The following CDIN1 variants were observed in gnomAD, a reference collection of about 807,000 sequenced individuals.
The protein encoded by CDIN1 is CDAN1-interacting nuclease 1.
A neutral mutation model predicts 45.3 loss-of-function variants in CDIN1; 33 were observed. That is an observed-to-expected ratio of 0.73 (90% confidence interval 0.55 to 0.97). The LOEUF is 0.97. CDIN1 is among the 50% of genes least tolerant of loss of function. The pLI is 0.00. For synonymous variants in CDIN1, 118 were observed against 124.4 expected, an observed-to-expected ratio of 0.95 and a Z score of 0.34; for missense variants, 303 against 339.4, an observed-to-expected ratio of 0.89 and a Z score of 0.84.
intron 7 of CDIN1, among the ~76,000 whole-genome samples, chr15:36,695,073 A>G (rs2042376187): frequency 6.6e-6 from 1 of 152,354 alleles, no homozygotes; most frequent in African/African-American, 2.4e-5. Flanking sequence ...GCAAGGGACA[A>G]CTGGAGGAAA....
chr15:36,627,068 C>A, intron 1 of CDIN1: 1 of 171,250 alleles, frequency 5.8e-6, no homozygotes, highest in South Asian at 1.6e-4. Context: ...TGGGATGAGT[C>A]TGAGGAAGCT....
chr15:36,634,759 A>G (rs2039824684), intron 1 of CDIN1, among the ~76,000 whole-genome samples: 1 of 152,160 alleles, frequency 6.6e-6, no homozygotes, highest in South Asian at 2.1e-4. Flanking sequence ...GACCTCCTAC[A>G]GTAAAACCAG....
At chr15:36,696,487 T>C (rs1349010695) in intron 7 of CDIN1, 1 of 152,254 alleles carries the variant, frequency 6.6e-6, no homozygotes, top group African/African-American at 2.4e-5. Context: ...AGATTAGGAA[T>C]TCTTCTAGGG....
intron 10 of CDIN1, among the ~76,000 whole-genome samples, chr15:36,733,791 T>A (rs2043917268): frequency 6.6e-6 from 1 of 152,160 alleles, no homozygotes; most frequent in South Asian, 2.1e-4. Flanking sequence ...TCGCATATGA[T>A]CTTTCAATTG....
intron 5 of CDIN1, among the ~76,000 whole-genome samples, chr15:36,671,049 T>C (rs184735520): frequency 8.6e-4 from 131 of 152,316 alleles, no homozygotes; most frequent in African/African-American, 3.0e-3. Flanking sequence ...TTTTTGTTTG[T>C]CTCTAGTTGT....
intron 10 of CDIN1, among the ~76,000 whole-genome samples, chr15:36,743,053 T>C (rs943072424): frequency 2.0e-5 from 3 of 152,134 alleles, no homozygotes; most frequent in African/African-American, 4.8e-5. Flanking sequence ...TGAAAATAGA[T>C]AGTATATTAA....
intron 5 of CDIN1, among the ~76,000 whole-genome samples, chr15:36,677,411 A>C (rs778770531): frequency 6.6e-6 from 1 of 152,166 alleles, no homozygotes; most frequent in Non-Finnish European, 1.5e-5. Flanking sequence ...CATAAATCCA[A>C]GCTTGAAATC....
chr15:36,711,092 T>C (rs183608264), intron 10 of CDIN1, among the ~76,000 whole-genome samples: 1 of 152,314 alleles, frequency 6.6e-6, no homozygotes, highest in African/African-American at 2.4e-5. Context: ...TTTCCTGTGT[T>C]TTATTCAGCC....
At chr15:36,672,269 G>C (rs1349094286) in intron 5 of CDIN1, among the ~76,000 whole-genome samples, 1 of 151,796 alleles carries the variant, frequency 6.6e-6, no homozygotes, top group Non-Finnish European at 1.5e-5. Context: ...AAGAAAACAA[G>C]TTTTGAAATT....
chr15:36,640,061 G>A (rs1404801424), intron 1 of CDIN1, among the ~76,000 whole-genome samples: 1 of 152,080 alleles, frequency 6.6e-6, no homozygotes, highest in Non-Finnish European at 1.5e-5. Flanking sequence ...TCCCCCCTCA[G>A]TAATTTCCCA....
intron 5 of CDIN1, among the ~76,000 whole-genome samples, chr15:36,670,476 G>A (rs1595449165): frequency 6.6e-6 from 1 of 152,000 alleles, no homozygotes; most frequent in East Asian, 1.9e-4. Flanking sequence ...TTTGTATTTC[G>A]GGTTGATTTT....
chr15:36,774,163 T>TGCCCGC (rs1555407089), intron 10 of CDIN1, among the ~76,000 whole-genome samples: 4 of 143,070 alleles, frequency 2.8e-5, no homozygotes, highest in Non-Finnish European at 6.0e-5. Flanking sequence ...TGTGTGTGTG[T>TGCCCGC]GCGCGCGCGC....
At chr15:36,681,709 T>C (rs570089824) in intron 5 of CDIN1, among the ~76,000 whole-genome samples, 1 of 152,274 alleles carries the variant, frequency 6.6e-6, no homozygotes, top group Non-Finnish European at 1.5e-5. Flanking sequence ...TTAGAGTGCT[T>C]ATAAGTAACG....
chr15:36,594,544 C>T (rs2037726652), intron 1 of CDIN1, among the ~76,000 whole-genome samples: 1 of 152,064 alleles, frequency 6.6e-6, no homozygotes, highest in South Asian at 2.1e-4. Flanking sequence ...ATTACAATGG[C>T]ACAATAAATT....
rs776006861 is a variant in CDIN1, at chr15:36,691,764, G to A, written c.426G>A (p.Gln142=). The A allele has an allele frequency of 6.3e-7, 1 of 1,585,380 alleles. No homozygotes were observed. The highest frequency in any genetic ancestry group is 8.6e-7 in the Non-Finnish European group (1 of 1,160,520). ...GAGTTCTAGCAAATCAGGTCTATCAGGTATTAATCACAGCTGTCTATTTTC... is the reference window on the plus strand; with the variant it reads ...GAGTTCTAGCAAATCAGGTCTATCAAGTATTAATCACAGCTGTCTATTTTC... ...PDGVLANQVY[Q]CIVNDCCYGP... The change falls in exon 6 of 11, where the codon CAG becomes CAA. Residue 142 remains glutamine (Q), a splice_region_variant and synonymous_variant. Transcript: ENST00000566621.
At chr15:36,760,294 G>T (rs538817237) in intron 10 of CDIN1, among the ~76,000 whole-genome samples, 1 of 152,236 alleles carries the variant, frequency 6.6e-6, no homozygotes, top group African/African-American at 2.4e-5. Context: ...CTTCTGTCTT[G>T]TAAAATCTGT....
intron 1 of CDIN1, among the ~76,000 whole-genome samples, chr15:36,636,723 C>G (rs1368744980): frequency 6.6e-6 from 1 of 152,136 alleles, no homozygotes. Context: ...AAGACAATTT[C>G]AGTAATATCC....
At chr15:36,716,042 C>T (rs767845264) in intron 10 of CDIN1, among the ~76,000 whole-genome samples, 9 of 151,980 alleles carry the variant, frequency 5.9e-5, no homozygotes, top group Non-Finnish European at 8.8e-5. Flanking sequence ...GAGTGATATT[C>T]GTAATAAGGA....
At chr15:36,617,608 C>A (rs2038954329) in intron 1 of CDIN1, 8 of 773,696 alleles carry the variant, frequency 1.0e-5, no homozygotes, top group Admixed American at 1.7e-5. Context: ...TGATGTAATT[C>A]TTGAAGTGTT....
Sources: gnomAD v4.1 joint callset for allele counts (sites outside exome capture counted in the v4.1 genomes callset) on GRCh38, gnomAD v4.1.1 for gene constraint, MANE v1.5 for transcripts, NCBI Gene and HGNC (gene_info 2026-07-23, HGNC 2026-07-21) for gene names.